DCST1: variants seen among roughly 807,000 people sequenced by gnomAD.
DCST1 encodes the protein E3 ubiquitin-protein ligase DCST1.
A neutral mutation model predicts 89.1 loss-of-function variants in DCST1; 78 were observed. The ratio of observed to expected loss-of-function variants is 0.88; its 90% CI spans 0.73 to 1.06. The LOEUF (loss-of-function observed/expected upper bound fraction) is 1.06, where lower values mean the gene tolerates loss of function less well. Among genes scored for constraint, DCST1 ranks in the 50% least tolerant of loss-of-function variants. The probability of loss-of-function intolerance (pLI) is 0.00; values close to 1 mark genes in which losing one functional copy is unlikely to be tolerated. For missense variants in DCST1, 900 were observed against 928.6 expected (o/e 0.97, Z 0.40); for synonymous variants, 364 against 371.9 (o/e 0.98, Z 0.24).
intron 14 of DCST1, 45 bp from the exon 15 acceptor site, chr1:155,047,742 C>A: frequency 6.3e-7 from 1 of 1,591,970 alleles, no homozygotes; most frequent in Non-Finnish European, 8.6e-7. Context: ...GCTGCCCTGC[C>A]CCTTGGCTGG....
chr1:155,040,720 A>C, intron 6 of DCST1, 96 bp downstream of exon 6: 1 of 1,457,432 alleles, frequency 6.9e-7, no homozygotes, highest in Non-Finnish European at 9.1e-7. Flanking sequence ...ACAGTTTCCC[A>C]ATGGGGATAC....
At chr1:155,037,954 G>A (rs1478660329) in intron 4 of DCST1, among the ~76,000 whole-genome samples, 1 of 152,260 alleles carries the variant, frequency 6.6e-6, no homozygotes, top group Non-Finnish European at 1.5e-5. Flanking sequence ...TACCATGACT[G>A]GTTTAGACAG....
chr1:155,042,998 T>C, intron 9 of DCST1, 142 bp downstream of exon 9: 1 of 679,770 alleles, frequency 1.5e-6, no homozygotes, highest in Non-Finnish European at 2.2e-6. Flanking sequence ...GGAGGGGGAA[T>C]GTCGCTGGTG....
intron 8 of DCST1, 50 bp from the exon 9 acceptor site, chr1:155,042,685 C>T (rs777621696): frequency 2.5e-6 from 4 of 1,612,214 alleles, no homozygotes; most frequent in South Asian, 2.2e-5. Context: ...CAGGCCTGCA[C>T]CTGGAGGACA....
At chr1:155,036,482 T>G (rs1435098979) in intron 4 of DCST1, among the ~76,000 whole-genome samples, 1 of 152,226 alleles carries the variant, frequency 6.6e-6, no homozygotes. Context: ...CTCCTTATCT[T>G]GCCCTCCCCA....
rs1393354301 is a variant in DCST1, at chr1:155,050,873, GCGTCCTGCTCGCTCTTCCGCAC to G, written c.*12_*33del. ...GACACTGCCTACGCGGGGTGAAGAGGCGTCCTGCTCGCTCTTCCGCACCGTCCTTCCCGGTTAATAAAATGCC... is the reference window on the plus strand; with the variant it reads ...GACACTGCCTACGCGGGGTGAAGAGGCGTCCTTCCCGGTTAATAAAATGCC... On this transcript the variant is annotated 3_prime_UTR_variant, in exon 17 of 17. Coordinates refer to ENST00000295542, the MANE Select transcript of DCST1 (RefSeq NM_152494.4). 30 of 1,607,280 alleles carry G rather than the reference GCGTCCTGCTCGCTCTTCCGCAC, an allele frequency of 1.9e-5. No homozygotes were observed. The highest frequency in any genetic ancestry group is 3.3e-5 in the South Asian group (3 of 90,952).
rs150999804 is a variant in DCST1, at chr1:155,048,059, A to G, written c.1758A>G (p.Arg586=). ...ATTGACCCCCTTCCTGCCCCCAGCG[A>G]GAGAAGAAGCGGATCCTGTTCCTCT... ...RVIAAFYFPK[R]EKKRILFLYN... The change falls in exon 16 of 17, where the codon CGA becomes CGG. Residue 586 remains arginine (R), a splice_region_variant and synonymous_variant. Coordinates refer to ENST00000295542, the MANE Select transcript of DCST1 (RefSeq NM_152494.4). 4,027 of 1,613,866 alleles carry G rather than the reference A, an allele frequency of 2.5e-3. 6 individuals carry two copies. Among genetic ancestry groups the G allele is most frequent in the Non-Finnish European group, 2.9e-3 (3,461 of 1,179,970 alleles).
chr1:155,047,894 C>G lies in DCST1; in HGVS notation c.1720C>G (p.Leu574Val), dbSNP rs558901581. ...CCTGTTACAGGCTTTTGGCTACCGA[C>G]TCCGGAGGGTCATCGCAGCCTTCTA... is the stretch of plus-strand genomic sequence containing the variant. The part of the protein sequence containing the change: ...LCLLQAFGYR[L>V]RRVIAAFYFP... The change falls in exon 15 of 17, where the codon CTC (leucine) becomes GTC (valine). Residue 574 changes from leucine (L) to valine (V), a missense_variant. Transcript: ENST00000295542. 1.2e-6 allele frequency: 2 copies of G among 1,614,064 alleles called. No individual in the cohort carries two copies. Among genetic ancestry groups the G allele is most frequent in the Admixed American group, 3.3e-5 (2 of 60,006 alleles).
At chr1:155,038,578 A>G (rs933908578) in intron 4 of DCST1, among the ~76,000 whole-genome samples, 4 of 152,188 alleles carry the variant, frequency 2.6e-5, no homozygotes, top group Non-Finnish European at 5.9e-5. Flanking sequence ...ACATTCCATC[A>G]ACACAGGAAT....
intron 10 of DCST1, 44 bp from the exon 11 acceptor site, chr1:155,045,849 A>T (rs1297654269): frequency 6.5e-7 from 1 of 1,545,198 alleles, no homozygotes; most frequent in South Asian, 1.1e-5. Context: ...ATAGATGAGG[A>T]GAACCTGGAA....
rs776466703 is a variant in DCST1 at position 155,034,704 on chromosome 1, T to G, written c.239T>G (p.Ile80Ser). The G allele has an allele frequency of 5.6e-6, 9 of 1,614,058 alleles. No individual in the cohort carries two copies. The Admixed American group carries it at 1.0e-4, about 18-fold the overall frequency. The change falls in exon 4 of 17, where the codon ATT becomes AGT. Residue 80 changes from isoleucine to serine, a missense_variant. Ile to Ser is a moderately radical substitution (Grantham distance 142). Transcript: ENST00000295542. ...ATGAACATCTACGAAGAACAGAAGA[T>G]TATGTTCTTGTACAGCTTGGTGGGT... ...NPMNIYEEQK[I>S]MFLYSLVGLG...
At chr1:155,038,994 G>A (rs1398750062) in intron 4 of DCST1, among the ~76,000 whole-genome samples, 4 of 152,160 alleles carry the variant, frequency 2.6e-5, no homozygotes, top group African/African-American at 9.7e-5. Context: ...GAGTACTGAG[G>A]TGGGCTCTGA....
chr1:155,036,110 A>G (rs1660273610), intron 4 of DCST1, among the ~76,000 whole-genome samples: 1 of 151,496 alleles, frequency 6.6e-6, no homozygotes, highest in Admixed American at 6.6e-5. Context: ...TTTTAGGAAC[A>G]AGGGAAACTT....
intron 10 of DCST1, among the ~76,000 whole-genome samples, chr1:155,044,086 C>G (rs924559464): frequency 6.6e-6 from 1 of 152,190 alleles, no homozygotes; most frequent in Non-Finnish European, 1.5e-5. Context: ...GCTCTGTCTG[C>G]CCCTATGTGG....
chr1:155,034,550 C>G lies in DCST1; in HGVS notation c.177C>G (p.Leu59=). ...ALLLGAGAGG[L]LAIGLFQLLV... is the part of the protein sequence containing the mutation. ...TGCTGGGGGCAGGCGCTGGGGGGCT[C>G]CTGGCCATAGGTGAGTGTGGAAGCA... The change falls in exon 3 of 17, where the codon CTC becomes CTG. Residue 59 remains leucine (L), a synonymous_variant. Transcript: ENST00000295542. 1 of 1,613,738 alleles carries G rather than the reference C, an allele frequency of 6.2e-7. No homozygotes were observed. Among genetic ancestry groups the G allele is most frequent in the Non-Finnish European group, 8.5e-7 (1 of 1,180,010 alleles).
At chr1:155,048,301 T>C in intron 16 of DCST1, 131 bp downstream of exon 16, 1 of 728,518 alleles carries the variant, frequency 1.4e-6, no homozygotes, top group Non-Finnish European at 2.3e-6. Context: ...TAAGTTCTTT[T>C]TATTTTTTGA....
intron 5 of DCST1, among the ~76,000 whole-genome samples, 196 bp downstream of exon 5, chr1:155,039,727 G>C (rs1303718653): frequency 6.6e-6 from 1 of 152,130 alleles, no homozygotes; most frequent in Admixed American, 6.5e-5. Flanking sequence ...GGCCAGGCAC[G>C]GTGGTTCATG....
intron 10 of DCST1, 186 bp from the exon 11 acceptor site, chr1:155,045,707 A>C (rs1660595985): frequency 1.6e-6 from 1 of 608,354 alleles, no homozygotes. Flanking sequence ...TCCTCTACAC[A>C]ATTGGAAGGC....
Position 155,047,776 on chromosome 1 carries a change from C to G in DCST1, c.1613-11C>G. The G allele has an allele frequency of 6.2e-7, 1 of 1,612,760 alleles. No homozygotes were observed. Among genetic ancestry groups the G allele is most frequent in the Non-Finnish European group, 8.5e-7 (1 of 1,179,826 alleles). On this transcript the variant is annotated splice_polypyrimidine_tract_variant and intron_variant, in intron 14 of 16. Coordinates refer to ENST00000295542, the MANE Select transcript of DCST1 (RefSeq NM_152494.4). ...GGTCCTGACCAGACCCCTGGCCTGC[C>G]CCTCCCCTAGCCTGCCTGCCCCAGC...
Sources: gnomAD v4.1 joint callset for allele counts (sites outside exome capture counted in the v4.1 genomes callset) on GRCh38, gnomAD v4.1.1 for gene constraint, MANE v1.5 for transcripts, NCBI Gene and HGNC (gene_info 2026-07-23, HGNC 2026-07-21) for gene names.